PLEKHG4B: variants seen among roughly 807,000 people sequenced by gnomAD.
PLEKHG4B encodes pleckstrin homology domain-containing family G member 4B.
PLEKHG4B carries 111 observed loss-of-function variants against 121.3 expected under a neutral mutation model. The ratio of observed to expected loss-of-function variants is 0.92; its 90% CI spans 0.78 to 1.07. PLEKHG4B has a LOEUF of 1.07. Ranked by LOEUF, PLEKHG4B falls within the 50% of genes least tolerant of loss-of-function variation. The probability of loss-of-function intolerance (pLI) is 0.00; values close to 1 mark genes in which losing one functional copy is unlikely to be tolerated. For synonymous variants in PLEKHG4B, 738 were observed against 725.0 expected, an observed-to-expected ratio of 1.02 and a Z score of -0.29; for missense variants, 1,831 against 1,757.8, an observed-to-expected ratio of 1.04 and a Z score of -0.74.
At chr5:172,624 C>T (rs766083516) in intron 16 of PLEKHG4B, among the ~76,000 whole-genome samples, 5 of 152,208 alleles carry the variant, frequency 3.3e-5, no homozygotes, top group Non-Finnish European at 7.3e-5. Context: ...GAGCAGGGCT[C>T]CTCCCCTGTG....
chr5:113,080 C>T lies in PLEKHG4B; in HGVS notation c.46-171C>T, dbSNP rs1347253557. ...CACAAGGAGAACCACCAGGAGCTCGCCCTGCACCATGGATTCGCCTGCACA... is the reference window on the plus strand; with the variant it reads ...CACAAGGAGAACCACCAGGAGCTCGTCCTGCACCATGGATTCGCCTGCACA... On this transcript the variant is annotated intron_variant, in intron 1 of 19. Transcript: ENST00000637938. The surrounding 1 kb of genome is among the most constrained non-coding windows in gnomAD (Gnocchi z 5.2). 6.6e-6 allele frequency among the ~76,000 whole-genome samples: 1 copy of T among 152,174 alleles called. No individual in the cohort carries two copies.
intron 18 of PLEKHG4B, among the ~76,000 whole-genome samples, chr5:177,445 GTT>G (rs1236489802): frequency 6.6e-6 from 1 of 152,198 alleles, no homozygotes; most frequent in African/African-American, 2.4e-5. Flanking sequence ...TGTGATACCA[GTT>G]TTGAGTTTAA....
intron 2 of PLEKHG4B, among the ~76,000 whole-genome samples, chr5:130,402 G>C (rs1734744772): frequency 6.6e-6 from 1 of 152,162 alleles, no homozygotes; most frequent in Non-Finnish European, 1.5e-5. Context: ...CAAAAAAGGA[G>C]TGTAAATTGG....
intron 7 of PLEKHG4B, 78 bp from the exon 8 acceptor site, chr5:154,797 C>G: frequency 1.8e-6 from 2 of 1,128,606 alleles, no homozygotes; most frequent in Non-Finnish European, 1.3e-6. Flanking sequence ...CCTCTGAACC[C>G]AGGAATGAGC....
In PLEKHG4B at chr5:140,648, T is replaced by C; in HGVS notation, c.1409T>C (p.Leu470Pro). Residue 470 changes from leucine to proline, a missense_variant, in exon 3 of 20, where the codon CTA (leucine) becomes CCA (proline). By Grantham distance (98) the Leu-to-Pro change is moderately conservative. Transcript: ENST00000637938. ...GCAGGCTCCAGGCCTGGGGGCCACC[T>C]AGGAGGACAAGCTGTGGGGACCCCA... ...HSAGSRPGGH[L>P]GGQAVGTPNC... 1 of 1,608,284 alleles carries C rather than the reference T, an allele frequency of 6.2e-7. No individual in the cohort carries two copies. The highest frequency in any genetic ancestry group is 8.5e-7 in the Non-Finnish European group (1 of 1,177,494).
chr5:159,909 G>A lies in PLEKHG4B; in HGVS notation c.2488-1874G>A, dbSNP rs1037947920. ...GCCCTGCCACTCCCGCTTCCTTCCC[G>A]GCCTCCAGGTTTGTGCCCTGGCTGC... On this transcript the variant is annotated intron_variant, in intron 11 of 19. Transcript: ENST00000637938. This position sits in a 1 kb window ranked among gnomAD's most constrained non-coding sequence, Gnocchi z 5.5. Among the ~76,000 whole-genome samples the A allele has an allele frequency of 9.9e-5, 15 of 151,964 alleles. No individual in the cohort carries two copies. Among genetic ancestry groups the A allele is most frequent in the Non-Finnish European group, 1.6e-4 (11 of 68,004 alleles).
At chr5:97,559 G>T (rs550539148) in intron 1 of PLEKHG4B, among the ~76,000 whole-genome samples, 1 of 152,210 alleles carries the variant, frequency 6.6e-6, no homozygotes, top group African/African-American at 2.4e-5. Flanking sequence ...ATATAGGGTT[G>T]TGTGTCTGGT....
chr5:158,597 C>T (rs1735881173), intron 11 of PLEKHG4B, among the ~76,000 whole-genome samples: 1 of 146,652 alleles, frequency 6.8e-6, no homozygotes, highest in African/African-American at 2.5e-5. Context: ...ATCTTCCCCT[C>T]CTCGTTCTAC....
At chr5:150,091 G>C (rs931351105) in intron 6 of PLEKHG4B, among the ~76,000 whole-genome samples, 1 of 152,206 alleles carries the variant, frequency 6.6e-6, no homozygotes, top group African/African-American at 2.4e-5. Context: ...ATCCATAACA[G>C]CTAAAACACA....
At chr5:129,830 G>A (rs1414255022) in intron 2 of PLEKHG4B, among the ~76,000 whole-genome samples, 4 of 151,022 alleles carry the variant, frequency 2.6e-5, no homozygotes, top group African/African-American at 9.7e-5. Context: ...TTTTGTCATT[G>A]CCTGCCTTAG....
At chr5:177,588 G>A (rs1477642948) in intron 18 of PLEKHG4B, among the ~76,000 whole-genome samples, 1 of 152,172 alleles carries the variant, frequency 6.6e-6, no homozygotes, top group Non-Finnish European at 1.5e-5. Context: ...ATTTGACTGA[G>A]GGATGTAAGG....
Position 171,196 on chromosome 5 carries a change from C to T in PLEKHG4B, c.3820-18C>T. The T allele has an allele frequency of 6.2e-7, 1 of 1,602,388 alleles. No individual in the cohort carries two copies. On this transcript the variant is annotated intron_variant, in intron 15 of 19. Transcript: ENST00000637938. ...CCTCAGCCAGGCCGGAGCTGACCCT[C>T]TCACCCGGCCCTTGCAGGACAAGCA...
At chr5:106,922 G>T (rs1579238932) in intron 1 of PLEKHG4B, among the ~76,000 whole-genome samples, 1 of 152,350 alleles carries the variant, frequency 6.6e-6, no homozygotes, top group Middle Eastern at 3.4e-3. Context: ...ACGCACGCAG[G>T]TGTCTAGGTA....
chr5:140,839 C>T (rs1735154710), intron 3 of PLEKHG4B, 123 bp downstream of exon 3: 1 of 671,266 alleles, frequency 1.5e-6, no homozygotes, highest in Middle Eastern at 4.3e-4. Context: ...TGCACACCAC[C>T]ACAACCTCCC....
intron 13 of PLEKHG4B, among the ~76,000 whole-genome samples, chr5:167,709 G>A (rs1040792513): frequency 2.6e-5 from 4 of 152,214 alleles, no homozygotes; most frequent in African/African-American, 9.6e-5. Flanking sequence ...GCCCAGGCCA[G>A]GCTTTGGCAT....
At chr5:104,189 A>G (rs1221733872) in intron 1 of PLEKHG4B, among the ~76,000 whole-genome samples, 4 of 145,238 alleles carry the variant, frequency 2.8e-5, no homozygotes, top group Non-Finnish European at 6.0e-5. Flanking sequence ...ACCGATTCCT[A>G]AACAACCTCA....
intron 2 of PLEKHG4B, among the ~76,000 whole-genome samples, chr5:126,881 A>C (rs1734631038): frequency 6.6e-6 from 1 of 152,206 alleles, no homozygotes; most frequent in African/African-American, 2.4e-5. Flanking sequence ...AGAGCACCAG[A>C]TTTTATAGGC....
intron 18 of PLEKHG4B, among the ~76,000 whole-genome samples, chr5:178,078 T>C (rs1579332550): frequency 6.6e-6 from 1 of 152,202 alleles, no homozygotes; most frequent in South Asian, 2.1e-4. Context: ...GCTTAGGAAA[T>C]TGTATGCATC....
intron 13 of PLEKHG4B, among the ~76,000 whole-genome samples, chr5:164,897 CAG>C (rs369201978): frequency 0.14 from 6,215 of 43,984 alleles, 871 homozygotes; most frequent in Non-Finnish European, 0.23. Context: ...GGAGCTCACA[CAG>C]TAATGCTGTG....
Sources: allele counts gnomAD v4.1 joint callset (sites outside exome capture counted in the v4.1 genomes callset), GRCh38; gene constraint gnomAD v4.1.1; non-coding constraint Gnocchi (gnomAD v3.1); transcripts MANE v1.5; gene names NCBI Gene and HGNC (gene_info 2026-07-23, HGNC 2026-07-21).